RPS6KA5: variants seen among roughly 807,000 people sequenced by gnomAD.
The protein encoded by RPS6KA5 is ribosomal protein S6 kinase A5.
Under a neutral mutation model 85.5 loss-of-function variants are expected in RPS6KA5, and 27 were observed. The observed-to-expected ratio is 0.32, with a 90% CI of 0.23 to 0.44. RPS6KA5 has a LOEUF of 0.44. Ranked by LOEUF, RPS6KA5 falls within the 20% of genes least tolerant of loss-of-function variation. RPS6KA5 has a pLI of 1.00. For synonymous variants in RPS6KA5, 334 were observed against 348.2 expected (o/e 0.96, Z 0.46); for missense variants, 811 against 980.9 (o/e 0.83, Z 2.31).
chr14:90,876,693 G>A (rs917635820), intron 14 of RPS6KA5, among the ~76,000 whole-genome samples: 1 of 152,152 alleles, frequency 6.6e-6, no homozygotes, highest in African/African-American at 2.4e-5. Context: ...ACCAAAAGGC[G>A]GCCCTACCAG....
chr14:91,046,320 A>G (rs1373738380), intron 1 of RPS6KA5, among the ~76,000 whole-genome samples: 1 of 152,224 alleles, frequency 6.6e-6, no homozygotes, highest in Admixed American at 6.5e-5. Flanking sequence ...TATACAAGAC[A>G]AAATTAGGTC....
At chr14:91,028,297 C>T (rs1377200947) in intron 1 of RPS6KA5, among the ~76,000 whole-genome samples, 1 of 152,042 alleles carries the variant, frequency 6.6e-6, no homozygotes, top group African/African-American at 2.4e-5. Context: ...GGCTCACTGC[C>T]ACCTCGACCT....
At chr14:90,949,897 GA>G (rs920669006) in intron 3 of RPS6KA5, among the ~76,000 whole-genome samples, 5 of 152,178 alleles carry the variant, frequency 3.3e-5, no homozygotes, top group Admixed American at 1.3e-4. Flanking sequence ...CTACTTTTGG[GA>G]TGGATTGACT....
intron 15 of RPS6KA5, among the ~76,000 whole-genome samples, chr14:90,874,693 G>A (rs56018933): frequency 0.083 from 12,622 of 152,226 alleles, 677 homozygotes; most frequent in East Asian, 0.24. Context: ...GTGAAAGGAT[G>A]CTGCAGGATT....
At chr14:90,935,390 A>C (rs2037201636) in intron 5 of RPS6KA5, among the ~76,000 whole-genome samples, 1 of 152,234 alleles carries the variant, frequency 6.6e-6, no homozygotes, top group African/African-American at 2.4e-5. Flanking sequence ...TCAGAAATAG[A>C]ACGGATATAG....
rs1050234122 is a variant in RPS6KA5 at position 90,859,242 on chromosome 14, G to A, written c.*12832C>T. The A allele has an allele frequency of 1.3e-5, 2 of 152,168 alleles. No homozygotes were observed. Among genetic ancestry groups the A allele is most frequent in the Admixed American group, 1.3e-4 (2 of 15,280 alleles). The allele number at this position is 152,168 out of a possible 1,614,324, so 9.4% of individuals were successfully genotyped here. The stretch of plus-strand genomic sequence containing the variant: ...TGATATGCCTGTATTTTATCAGACT[G>A]CAAGAAGAAAACATAACCATCTTAG... On this transcript the variant is annotated 3_prime_UTR_variant, in exon 17 of 17. Coordinates refer to ENST00000614987, the MANE Select transcript of RPS6KA5 (RefSeq NM_004755.4).
intron 1 of RPS6KA5, among the ~76,000 whole-genome samples, chr14:91,008,071 T>C (rs1046800823): frequency 6.6e-6 from 1 of 152,246 alleles, no homozygotes; most frequent in Non-Finnish European, 1.5e-5. Context: ...ATGTTTAACT[T>C]GGAACTTCCC....
chr14:90,989,641 T>C (rs1156707896), intron 2 of RPS6KA5, among the ~76,000 whole-genome samples: 1 of 152,054 alleles, frequency 6.6e-6, no homozygotes, highest in African/African-American at 2.4e-5. Context: ...GAAGGCAAAA[T>C]GGTCAAAAGG....
intron 3 of RPS6KA5, among the ~76,000 whole-genome samples, chr14:90,968,702 A>G (rs2039187067): frequency 6.6e-6 from 1 of 152,242 alleles, no homozygotes; most frequent in South Asian, 2.1e-4. Flanking sequence ...GCAAAATAGC[A>G]CAAAAACTGC....
At chr14:90,954,264 CTCA>C (rs1237358812) in intron 3 of RPS6KA5, among the ~76,000 whole-genome samples, 1 of 152,124 alleles carries the variant, frequency 6.6e-6, no homozygotes, top group Non-Finnish European at 1.5e-5. Context: ...TAATACTGGC[CTCA>C]TAAGATAAGT....
intron 1 of RPS6KA5, among the ~76,000 whole-genome samples, chr14:91,023,104 A>G (rs8018102): frequency 0.51 from 69,154 of 136,930 alleles, 17,534 homozygotes; most frequent in East Asian, 0.56. Flanking sequence ...AAAAAAAAAG[A>G]TTTGTGTACT....
At chr14:91,048,167 C>G (rs1384391113) in intron 1 of RPS6KA5, among the ~76,000 whole-genome samples, 6 of 151,990 alleles carry the variant, frequency 3.9e-5, no homozygotes, top group Admixed American at 3.9e-4. Context: ...CTTGAAGCTA[C>G]CTAAATTGTA....
chr14:91,034,433 C>T (rs2002715), intron 1 of RPS6KA5, among the ~76,000 whole-genome samples: 83,791 of 151,780 alleles, frequency 0.55, 23,207 homozygotes, highest in East Asian at 0.56. Flanking sequence ...GGATTATAAA[C>T]GCACCAATCA....
At chr14:90,942,453 GTACT>G (rs751188771) in intron 5 of RPS6KA5, among the ~76,000 whole-genome samples, 3 of 152,110 alleles carry the variant, frequency 2.0e-5, no homozygotes, top group Admixed American at 6.5e-5. Context: ...TACATAAACA[GTACT>G]TAATTACAAC....
At chr14:90,968,262 C>T (rs895873263) in intron 3 of RPS6KA5, among the ~76,000 whole-genome samples, 3 of 152,112 alleles carry the variant, frequency 2.0e-5, no homozygotes, top group African/African-American at 7.2e-5. Context: ...CTGACCTTCT[C>T]TGTAGACACA....
intron 3 of RPS6KA5, among the ~76,000 whole-genome samples, chr14:90,954,558 C>T (rs777412777): frequency 5.3e-5 from 8 of 152,244 alleles, no homozygotes; most frequent in Admixed American, 1.3e-4. Context: ...GGCTTACAGG[C>T]GCCCATCACC....
intron 7 of RPS6KA5, chr14:90,911,281 C>T (rs1047554264): frequency 5.3e-5 from 8 of 152,130 alleles, no homozygotes; most frequent in Non-Finnish European, 1.0e-4. Flanking sequence ...AAATAAATGT[C>T]AAATTGTTTT....
At chr14:90,921,923 C>A (rs1456523906) in intron 6 of RPS6KA5, among the ~76,000 whole-genome samples, 1 of 152,008 alleles carries the variant, frequency 6.6e-6, no homozygotes, top group African/African-American at 2.4e-5. Flanking sequence ...AAATTTTGTA[C>A]CCTTTAATAC....
rs776001738 is a variant in RPS6KA5 at position 90,850,910 on chromosome 14, T to C, written c.*21164A>G. On this transcript the variant is annotated 3_prime_UTR_variant, in exon 17 of 17. Coordinates refer to ENST00000614987, the MANE Select transcript of RPS6KA5 (RefSeq NM_004755.4). ...TTTAAACCCACACTCAGACCGACAGTGTACACCATAAATTTGTACTAGAAC... is the reference window on the plus strand; with the variant it reads ...TTTAAACCCACACTCAGACCGACAGCGTACACCATAAATTTGTACTAGAAC... 3.3e-5 allele frequency: 5 copies of C among 152,240 alleles called. No individual in the cohort carries two copies. The highest frequency in any genetic ancestry group is 6.5e-5 in the Admixed American group (1 of 15,286). The allele number at this position is 152,240 out of a possible 1,614,324, so 9.4% of individuals were successfully genotyped here.
Sources: gnomAD v4.1 joint callset for allele counts (sites outside exome capture counted in the v4.1 genomes callset) on GRCh38, gnomAD v4.1.1 for gene constraint, MANE v1.5 for transcripts, NCBI Gene and HGNC (gene_info 2026-07-23, HGNC 2026-07-21) for gene names.